LARGE1: variants seen among roughly 807,000 people sequenced by gnomAD.
LARGE1 encodes LARGE xylosyl- and glucuronyltransferase 1.
LARGE1 carries 43 observed loss-of-function variants against 87.6 expected under a neutral mutation model. That is an observed-to-expected ratio of 0.49 (90% confidence interval 0.38 to 0.63). The LOEUF is 0.63. Ranked by LOEUF, LARGE1 falls within the 30% of genes least tolerant of loss-of-function variation. LARGE1 has a pLI of 0.00. For missense variants in LARGE1, 802 were observed against 1,000.2 expected, an observed-to-expected ratio of 0.80 and a Z score of 2.67; for synonymous variants, 434 against 394.6, an observed-to-expected ratio of 1.10 and a Z score of -1.18.
At chr22:33,174,205 C>T (rs909965312) in intron 11 of LARGE1, among the ~76,000 whole-genome samples, 1 of 152,184 alleles carries the variant, frequency 6.6e-6, no homozygotes, top group African/African-American at 2.4e-5. Context: ...AACCACACAA[C>T]TACATGAAAA....
intron 8 of LARGE1, among the ~76,000 whole-genome samples, chr22:33,383,370 G>GC (rs2065219519): frequency 6.6e-6 from 1 of 151,980 alleles, no homozygotes; most frequent in African/African-American, 2.4e-5. Context: ...AACCAGCCTG[G>GC]CCAACGTGGA....
chr22:33,724,900 T>C (rs900564983), intron 2 of LARGE1: 4 of 151,250 alleles, frequency 2.6e-5, no homozygotes, highest in African/African-American at 9.8e-5. Context: ...GTGATCAGAG[T>C]TGTGAAGGAA....
At chr22:33,324,070 A>G (rs1301465295) in intron 10 of LARGE1, among the ~76,000 whole-genome samples, 1 of 151,664 alleles carries the variant, frequency 6.6e-6, no homozygotes, top group Non-Finnish European at 1.5e-5. Flanking sequence ...CATCTCTACT[A>G]AAAATACAAA....
At chr22:33,806,621 C>T (rs961908269) in intron 1 of LARGE1, among the ~76,000 whole-genome samples, 2 of 152,124 alleles carry the variant, frequency 1.3e-5, no homozygotes, top group East Asian at 3.9e-4. Flanking sequence ...AATCTGGGTA[C>T]CCAGAGCCGT....
chr22:33,874,317 T>TC (rs1484067175), intron 1 of LARGE1, among the ~76,000 whole-genome samples: 3 of 152,104 alleles, frequency 2.0e-5, no homozygotes, highest in African/African-American at 7.2e-5. Context: ...TTTTCACTCC[T>TC]CTAAGAGGCT....
At chr22:33,646,839 T>C (rs548059254) in intron 3 of LARGE1, among the ~76,000 whole-genome samples, 1 of 152,348 alleles carries the variant, frequency 6.6e-6, no homozygotes, top group African/African-American at 2.4e-5. Flanking sequence ...ACGATTCTCC[T>C]GCCTCAGCCT....
chr22:33,688,710 C>T (rs368514264), intron 2 of LARGE1, among the ~76,000 whole-genome samples: 1 of 152,110 alleles, frequency 6.6e-6, no homozygotes, highest in Non-Finnish European at 1.5e-5. Flanking sequence ...CTCCCCTGGC[C>T]GTATCATCCT....
At chr22:33,470,605 A>G (rs1239710310) in intron 6 of LARGE1, among the ~76,000 whole-genome samples, 2 of 152,212 alleles carry the variant, frequency 1.3e-5, no homozygotes, top group Non-Finnish European at 2.9e-5. Context: ...CCGTGTGGGC[A>G]CATGCTCTCC....
intron 1 of LARGE1, among the ~76,000 whole-genome samples, chr22:33,871,994 A>G (rs1367724253): frequency 8.6e-5 from 13 of 151,654 alleles, no homozygotes; most frequent in African/African-American, 1.9e-4. Context: ...AAAAAAAAAA[A>G]AAAAGAAAAG....
intron 5 of LARGE1, among the ~76,000 whole-genome samples, chr22:33,591,241 G>A (rs970052136): frequency 1.3e-5 from 2 of 152,148 alleles, no homozygotes; most frequent in African/African-American, 4.8e-5. Context: ...TTTCTGAAGT[G>A]GTATACCATT....
chr22:33,534,443 C>G (rs890931945), intron 6 of LARGE1, among the ~76,000 whole-genome samples: 1 of 151,654 alleles, frequency 6.6e-6, no homozygotes, highest in Non-Finnish European at 1.5e-5. Flanking sequence ...GATGAAGTCA[C>G]TCACTGACTT....
chr22:33,369,084 T>C (rs1212891647), intron 9 of LARGE1, among the ~76,000 whole-genome samples: 1 of 152,210 alleles, frequency 6.6e-6, no homozygotes, highest in Non-Finnish European at 1.5e-5. Flanking sequence ...TCTGTAGCAA[T>C]TGATGCAGTT....
intron 7 of LARGE1, among the ~76,000 whole-genome samples, chr22:33,410,201 G>A (rs1475569442): frequency 3.3e-5 from 5 of 152,158 alleles, no homozygotes; most frequent in African/African-American, 1.2e-4. Context: ...ATGCAGCCAT[G>A]ATGGCAAGTA....
At chr22:33,319,245 A>G (rs78312459) in intron 10 of LARGE1, among the ~76,000 whole-genome samples, 7,383 of 152,260 alleles carry the variant, frequency 0.048, 326 homozygotes, top group African/African-American at 0.13. Flanking sequence ...TCTTGAGGCT[A>G]GACCTCAAGA....
At chr22:33,613,923 C>A (rs184893631) in intron 4 of LARGE1, among the ~76,000 whole-genome samples, 3 of 152,160 alleles carry the variant, frequency 2.0e-5, no homozygotes, top group Non-Finnish European at 2.9e-5. Flanking sequence ...TTCCTGCCTG[C>A]GTTAAAGGTG....
chr22:33,218,020 C>T (rs1392919978), intron 11 of LARGE1, among the ~76,000 whole-genome samples: 1 of 151,966 alleles, frequency 6.6e-6, no homozygotes, highest in Non-Finnish European at 1.5e-5. Flanking sequence ...GCCTCTGCCT[C>T]CCAGGTTCAA....
At chr22:33,597,503 C>T (rs62227105) in intron 5 of LARGE1, among the ~76,000 whole-genome samples, 2 of 152,042 alleles carry the variant, frequency 1.3e-5, no homozygotes, top group African/African-American at 4.8e-5. Flanking sequence ...GATTACAGTT[C>T]TCTAAAGACA....
intron 11 of LARGE1, among the ~76,000 whole-genome samples, chr22:33,229,065 C>T (rs1180953351): frequency 1.3e-5 from 2 of 152,122 alleles, no homozygotes; most frequent in East Asian, 3.9e-4. Context: ...AAGCCTGAAG[C>T]ATGTGTTGTA....
At chr22:33,801,535 T>G (rs565988398) in intron 1 of LARGE1, among the ~76,000 whole-genome samples, 2 of 152,230 alleles carry the variant, frequency 1.3e-5, no homozygotes, top group African/African-American at 4.8e-5. Context: ...TTTGCCCATT[T>G]TCTAATTGGA....
Sources: allele counts gnomAD v4.1 joint callset (sites outside exome capture counted in the v4.1 genomes callset), GRCh38; gene constraint gnomAD v4.1.1; transcripts MANE v1.5; gene names NCBI Gene and HGNC (gene_info 2026-07-23, HGNC 2026-07-21).